The following SPTBN1 variants were observed in gnomAD, a reference collection of about 807,000 sequenced individuals.
SPTBN1 encodes the protein spectrin beta chain, non-erythrocytic 1.
A neutral mutation model predicts 266.4 loss-of-function variants in SPTBN1; 32 were observed. The ratio of observed to expected loss-of-function variants is 0.12; its 90% confidence interval spans 0.09 to 0.16. SPTBN1 has a LOEUF of 0.16. Ranked by LOEUF, SPTBN1 falls within the 10% of genes least tolerant of loss-of-function variation. SPTBN1 has a pLI of 1.00. For synonymous variants in SPTBN1, 1,336 were observed against 1,162.2 expected (o/e 1.15, Z -3.04); for missense variants, 2,296 against 3,067.1 (o/e 0.75, Z 5.94).
chr2:54,601,095 TG>T (rs997302372), intron 3 of SPTBN1, among the ~76,000 whole-genome samples: 11 of 152,310 alleles, frequency 7.2e-5, no homozygotes, highest in Middle Eastern at 6.8e-3. Context: ...TAAGTTTTTT[TG>T]TGGCAACCCA....
intron 1 of SPTBN1, among the ~76,000 whole-genome samples, chr2:54,478,478 T>C (rs1454301583): frequency 6.6e-6 from 1 of 152,128 alleles, no homozygotes; most frequent in Non-Finnish European, 1.5e-5. Flanking sequence ...TAGAGGATCA[T>C]AGAATTGGAA....
intron 1 of SPTBN1, among the ~76,000 whole-genome samples, chr2:54,460,710 C>T (rs1282238145): frequency 6.6e-6 from 1 of 152,104 alleles, no homozygotes; most frequent in Non-Finnish European, 1.5e-5. Flanking sequence ...GTTAAAGAAT[C>T]GTAAACCAGC....
In SPTBN1 at chr2:54,472,483, C is replaced by T. The variant is rs1693979608; in HGVS notation, c.-48+15965C>T. ...TCTTAGCTGATTCACTTTTAGACTTCTTAGTAAGCTCATTGGTAGTTTGTC... is the reference window on the plus strand; with the variant it reads ...TCTTAGCTGATTCACTTTTAGACTTTTTAGTAAGCTCATTGGTAGTTTGTC... On this transcript the variant is annotated intron_variant, in intron 1 of 35. Coordinates refer to ENST00000356805, the MANE Select transcript of SPTBN1 (RefSeq NM_003128.3). Among the ~76,000 whole-genome samples the T allele has an allele frequency of 2.0e-5, 3 of 152,174 alleles. No homozygotes were observed. The South Asian group carries it at 6.2e-4, about 31-fold the overall frequency.
At chr2:54,644,237 T>G in intron 19 of SPTBN1, 86 bp from the exon 20 acceptor site, 5 of 1,506,610 alleles carry the variant, frequency 3.3e-6, no homozygotes, top group Non-Finnish European at 4.5e-6. Flanking sequence ...AAATCACAGA[T>G]CAAATGTCCT....
chr2:54,558,242 C>T lies in SPTBN1; in HGVS notation c.148+31676C>T. ...TGCGGGACCGGTAGGGGGTCGCGGG[C>T]CGGCTAGGCTCCCCCGCGCCCCTCC... On this transcript the variant is annotated intron_variant, in intron 2 of 35. Transcript: ENST00000356805. The surrounding 1 kb of genome is among the most constrained non-coding windows in gnomAD (Gnocchi z 4.6). The T allele has an allele frequency of 1.0e-6, 1 of 985,144 alleles. No homozygotes were observed. Among genetic ancestry groups the T allele is most frequent in the Non-Finnish European group, 1.2e-6 (1 of 829,838 alleles). 61.0% of individuals were successfully genotyped at this position (985,144 alleles called of 1,614,324 possible). A position where few individuals can be genotyped will look rare whatever the true frequency, so the allele number is the denominator to read the frequency against.
chr2:54,500,120 T>C (rs959607118), intron 1 of SPTBN1, among the ~76,000 whole-genome samples: 1 of 152,214 alleles, frequency 6.6e-6, no homozygotes, highest in Non-Finnish European at 1.5e-5. Context: ...TTTTAGGCGG[T>C]TTTTCATTCT....
chr2:54,576,235 G>C (rs1265445268), intron 2 of SPTBN1, among the ~76,000 whole-genome samples: 1 of 151,782 alleles, frequency 6.6e-6, no homozygotes, highest in Non-Finnish European at 1.5e-5. Context: ...TTGTATTTTA[G>C]TAGAGACAGG....
At chr2:54,484,358 C>T (rs568841207) in intron 1 of SPTBN1, among the ~76,000 whole-genome samples, 2 of 152,320 alleles carry the variant, frequency 1.3e-5, no homozygotes, top group East Asian at 1.9e-4. Flanking sequence ...CAGAAGAGGC[C>T]TGCTCTCCTT....
At position 54,629,813 on chromosome 2, in the gene SPTBN1, G is replaced by T; in HGVS notation, c.2669+10G>T. 1 of 1,609,768 alleles carries T rather than the reference G, an allele frequency of 6.2e-7. No individual in the cohort carries two copies. Among genetic ancestry groups the T allele is most frequent in the Non-Finnish European group, 8.5e-7 (1 of 1,178,486 alleles). ...AGGTCATCCAGCACAGGTGAGCGGG[G>T]CGCTGGTCAGCCACTGGCCTGTTCC... On this transcript the variant is annotated intron_variant, in intron 14 of 35. Coordinates refer to ENST00000356805, the MANE Select transcript of SPTBN1 (RefSeq NM_003128.3).
At chr2:54,607,199 T>C (rs557344518) in intron 3 of SPTBN1, among the ~76,000 whole-genome samples, 6 of 152,364 alleles carry the variant, frequency 3.9e-5, no homozygotes, top group Admixed American at 6.5e-5. Context: ...GTAGAAAATA[T>C]TCAAGGGGAA....
At chr2:54,525,281 G>T (rs1480819523) in intron 1 of SPTBN1, among the ~76,000 whole-genome samples, 3 of 151,992 alleles carry the variant, frequency 2.0e-5, no homozygotes, top group Non-Finnish European at 4.4e-5. Context: ...TTTTGCTCCT[G>T]TTGCCCAGGT....
intron 2 of SPTBN1, among the ~76,000 whole-genome samples, chr2:54,597,791 T>C (rs1676193557): frequency 6.6e-6 from 1 of 151,914 alleles, no homozygotes; most frequent in Non-Finnish European, 1.5e-5. Flanking sequence ...ACATGCCTTA[T>C]TAGCAAGGGT....
rs563212818 is a variant in SPTBN1 at position 54,471,261 on chromosome 2, T to C, written c.-48+14743T>C. Among the ~76,000 whole-genome samples, 6 of 152,318 alleles carry C rather than the reference T, an allele frequency of 3.9e-5. No homozygotes were observed. The South Asian group carries it at 1.2e-3, about 32-fold the overall frequency. ...GAACAGAATGTAGGCAGTGGTGGCA[T>C]GAGTAAGGTTCTAAGGTTTACCATC... On this transcript the variant is annotated intron_variant, in intron 1 of 35. Transcript: ENST00000356805.
At chr2:54,594,666 T>C (rs2103641490) in intron 2 of SPTBN1, among the ~76,000 whole-genome samples, 1 of 152,274 alleles carries the variant, frequency 6.6e-6, no homozygotes, top group East Asian at 1.9e-4. Flanking sequence ...CATACAACTA[T>C]TAAACAACCT....
At chr2:54,495,759 C>T (rs1160424911) in intron 1 of SPTBN1, among the ~76,000 whole-genome samples, 4 of 148,552 alleles carry the variant, frequency 2.7e-5, no homozygotes, top group South Asian at 2.1e-4. Context: ...GCATGAGAGT[C>T]TACATATTAT....
At chr2:54,619,522 G>T (rs947450840) in intron 7 of SPTBN1, among the ~76,000 whole-genome samples, 1 of 152,164 alleles carries the variant, frequency 6.6e-6, no homozygotes, top group African/African-American at 2.4e-5. Flanking sequence ...ATCACAAGAC[G>T]AGGAGCTAAA....
chr2:54,655,748 C>T (rs1362230193), intron 28 of SPTBN1, among the ~76,000 whole-genome samples, 166 bp from the exon 29 acceptor site: 1 of 152,230 alleles, frequency 6.6e-6, no homozygotes, highest in African/African-American at 2.4e-5. Context: ...CAGTGCTATG[C>T]TTTTCTTTCC....
intron 4 of SPTBN1, among the ~76,000 whole-genome samples, chr2:54,614,978 T>C (rs1413160309): frequency 6.6e-6 from 1 of 152,180 alleles, no homozygotes; most frequent in Non-Finnish European, 1.5e-5. Context: ...GTGTGTAAAG[T>C]TGCAGCCTGA....
intron 2 of SPTBN1, among the ~76,000 whole-genome samples, chr2:54,564,185 C>CA (rs1267640168): frequency 5.3e-5 from 8 of 152,130 alleles, no homozygotes; most frequent in African/African-American, 1.7e-4. Flanking sequence ...TTTCTTAAAT[C>CA]TAATATTTTA....
Sources: allele counts gnomAD v4.1 joint callset (sites outside exome capture counted in the v4.1 genomes callset), GRCh38; gene constraint gnomAD v4.1.1; non-coding constraint Gnocchi (gnomAD v3.1); transcripts MANE v1.5; gene names NCBI Gene and HGNC (gene_info 2026-07-23, HGNC 2026-07-21).